The following TUBA3C variants were observed in gnomAD, a reference collection of about 807,000 sequenced individuals.
TUBA3C encodes the protein tubulin alpha-3C chain.
A neutral mutation model predicts 33.4 loss-of-function variants in TUBA3C; 23 were observed. The ratio of observed to expected loss-of-function variants is 0.69; its 90% CI spans 0.50 to 0.98. The LOEUF (loss-of-function observed/expected upper bound fraction) is 0.98. TUBA3C is among the 50% of genes least tolerant of loss of function. The pLI is 0.00. For synonymous variants in TUBA3C, 269 were observed against 250.4 expected (o/e 1.07, Z -0.70); for missense variants, 402 against 616.0 (o/e 0.65, Z 3.68).
chr13:19,176,906 C>A, intron 4 of TUBA3C, 21 bp downstream of exon 4: 1 of 1,610,366 alleles, frequency 6.2e-7, no homozygotes, highest in East Asian at 2.2e-5. Flanking sequence ...GGTACAAGGA[C>A]TCCACATTAC....
At position 19,177,850 on chromosome 13, in the gene TUBA3C, T is replaced by G. The variant is rs1166030870; in HGVS notation, c.376-243A>C. ...CTCAAGATACTGTTCTAAGTTGTTT[T>G]TTTTTTTTTTTTTTTAGATAGAATC... is the stretch of plus-strand genomic sequence containing the variant. On this transcript the variant is annotated intron_variant, in intron 3 of 4. Transcript: ENST00000400113. This position sits in a 1 kb window ranked among gnomAD's most constrained non-coding sequence, Gnocchi z 5.0. 1.7e-4 allele frequency among the ~76,000 whole-genome samples: 25 copies of G among 150,576 alleles called. No individual in the cohort carries two copies. Among genetic ancestry groups the G allele is most frequent in the Admixed American group, 1.3e-3 (20 of 15,136 alleles).
At chr13:19,180,978 AG>A (rs1371462411) in intron 1 of TUBA3C, among the ~76,000 whole-genome samples, 2 of 149,932 alleles carry the variant, frequency 1.3e-5, no homozygotes, top group African/African-American at 2.4e-5. Context: ...AAAAAAAAAA[AG>A]ATACTTGACA....
In TUBA3C at chr13:19,177,529, G is replaced by A. The variant is rs924760325; in HGVS notation, c.454C>T (p.Leu152=). The A allele has an allele frequency of 1.1e-5, 17 of 1,614,016 alleles. No individual in the cohort carries two copies. Among genetic ancestry groups the A allele is most frequent in the Non-Finnish European group, 1.4e-5 (17 of 1,179,988 alleles). Residue 152 remains leucine, a synonymous_variant, in exon 4 of 5, where the codon CTG becomes TTG. Transcript: ENST00000400113. This position sits in a 1 kb window ranked among gnomAD's most constrained non-coding sequence, Gnocchi z 5.0. ...GGGTGSGFAS[L]LMERLSVDYG... ...TCCACTGAGAGCCGCTCCATGAGCA[G>A]AGATGCGAACCCAGAGCCAGTGCCA...
chr13:19,180,419 G>A (rs931023577), intron 1 of TUBA3C, among the ~76,000 whole-genome samples: 12 of 152,224 alleles, frequency 7.9e-5, no homozygotes, highest in African/African-American at 2.9e-4. Flanking sequence ...GGATGTGGTG[G>A]CTCATGCCTG....
chr13:19,178,734 C>T (rs557558259), intron 2 of TUBA3C, among the ~76,000 whole-genome samples: 1 of 152,296 alleles, frequency 6.6e-6, no homozygotes, highest in South Asian at 2.1e-4. Context: ...GTAGCTACAT[C>T]GAAGGCTGTA....
chr13:19,178,484 C>T, intron 2 of TUBA3C, 90 bp from the exon 3 acceptor site: 6 of 1,541,236 alleles, frequency 3.9e-6, no homozygotes, highest in East Asian at 4.5e-5. Flanking sequence ...CTACAAAGTA[C>T]ATGCTGTTCA....
chr13:19,179,646 AT>A, intron 1 of TUBA3C, 83 bp from the exon 2 acceptor site: 1 of 1,447,374 alleles, frequency 6.9e-7, no homozygotes, highest in Non-Finnish European at 9.2e-7. Flanking sequence ...ATAATTTAAT[AT>A]TTATATACTG....
rs1217373213 is a variant in TUBA3C at position 19,177,816 on chromosome 13, G to A, written c.376-209C>T. 2.7e-5 allele frequency among the ~76,000 whole-genome samples: 4 copies of A among 149,744 alleles called. No individual in the cohort carries two copies. The highest frequency in any genetic ancestry group is 4.9e-5 in the African/African-American group (2 of 40,748). Reference sequence around the variant, plus strand: ...ACTTCAGACTAAGACCATTGCAGACGCAATAGGACTCAAGATACTGTTCTA... The same window carrying A: ...ACTTCAGACTAAGACCATTGCAGACACAATAGGACTCAAGATACTGTTCTA... On this transcript the variant is annotated intron_variant, in intron 3 of 4. Transcript: ENST00000400113. This position sits in a 1 kb window ranked among gnomAD's most constrained non-coding sequence, Gnocchi z 5.0.
At chr13:19,175,252 AAAAACAAAAC>A (rs201292761) in intron 4 of TUBA3C, among the ~76,000 whole-genome samples, 36 of 152,214 alleles carry the variant, frequency 2.4e-4, no homozygotes, top group Admixed American at 7.2e-4. Flanking sequence ...ACTCCGTCTC[AAAAACAAAAC>A]AAAACAAAAC....
intron 1 of TUBA3C, among the ~76,000 whole-genome samples, chr13:19,180,308 C>T (rs1869355810): frequency 6.6e-6 from 1 of 152,102 alleles, no homozygotes; most frequent in Non-Finnish European, 1.5e-5. Flanking sequence ...AGCACTCCCT[C>T]CCCTCTACCC....
rs1019993842 is a variant in TUBA3C, at chr13:19,177,940, G to C, written c.375+306C>G. ...CCGCTCAGTGCAACCTCTGCCTCCC[G>C]GGCTCAAGCCATTCTCCTGCCTCAG... On this transcript the variant is annotated intron_variant, in intron 3 of 4. Coordinates refer to ENST00000400113, the MANE Select transcript of TUBA3C (RefSeq NM_006001.3). The surrounding 1 kb of genome is among the most constrained non-coding windows in gnomAD (Gnocchi z 5.0). 1.3e-5 allele frequency among the ~76,000 whole-genome samples: 2 copies of C among 149,736 alleles called. No individual in the cohort carries two copies. The highest frequency in any genetic ancestry group is 3.5e-3 in the Middle Eastern group (1 of 286).
intron 4 of TUBA3C, among the ~76,000 whole-genome samples, chr13:19,176,034 T>C (rs984293973): frequency 2.1e-4 from 32 of 152,296 alleles, no homozygotes; most frequent in Middle Eastern, 3.4e-3. Context: ...TGGGCCACCA[T>C]GCCCATCCAA....
intron 4 of TUBA3C, among the ~76,000 whole-genome samples, chr13:19,176,394 C>G (rs1261489716): frequency 6.6e-6 from 1 of 152,018 alleles, no homozygotes; most frequent in East Asian, 1.9e-4. Flanking sequence ...CCAGCCTTCT[C>G]AACAACAAAG....
At position 19,179,422 on chromosome 13, in the gene TUBA3C, A is replaced by C; in HGVS notation, c.145T>G (p.Phe49Val). ...DKTIGGGDDS[F>V]NTFFSETGAG... ...CCAGTCTCACTGAAGAACGTGTTGA[A>C]GGAGTCGTCCCCACCACCAATGGTT... Residue 49 changes from phenylalanine (F) to valine (V), a missense_variant, in exon 2 of 5, where the codon TTC (phenylalanine) becomes GTC (valine). Coordinates refer to ENST00000400113, the MANE Select transcript of TUBA3C (RefSeq NM_006001.3). 6.2e-7 allele frequency: 1 copy of C among 1,614,054 alleles called. No individual in the cohort carries two copies. Among genetic ancestry groups the C allele is most frequent in the Non-Finnish European group, 8.5e-7 (1 of 1,179,936 alleles).
chr13:19,178,292 A>G lies in TUBA3C; in HGVS notation c.329T>C (p.Ile110Thr). The change falls in exon 3 of 5, where the codon ATC becomes ACC. Residue 110 changes from isoleucine (I) to threonine (T), a missense_variant. By Grantham distance (89) the Ile-to-Thr change is moderately conservative. Coordinates refer to ENST00000400113, the MANE Select transcript of TUBA3C (RefSeq NM_006001.3). ...GACCAGGTCGACGATCTCCTTGCCG[A>G]TGGTGTAATGGCCTCTGGCGTAATT... ...ANNYARGHYT[I>T]GKEIVDLVLD... The G allele has an allele frequency of 6.2e-7, 1 of 1,614,090 alleles. No homozygotes were observed. The highest frequency in any genetic ancestry group is 8.5e-7 in the Non-Finnish European group (1 of 1,180,024).
At chr13:19,176,216 T>G (rs1026179285) in intron 4 of TUBA3C, among the ~76,000 whole-genome samples, 1 of 151,964 alleles carries the variant, frequency 6.6e-6, no homozygotes, top group African/African-American at 2.4e-5. Flanking sequence ...ACCAGGAATT[T>G]GAGACCAGCT....
At chr13:19,178,815 AC>A (rs2138957606) in intron 2 of TUBA3C, among the ~76,000 whole-genome samples, 1 of 152,184 alleles carries the variant, frequency 6.6e-6, no homozygotes, top group South Asian at 2.1e-4. Flanking sequence ...CCATCAGGGC[AC>A]CCTGTGTGGC....
Position 19,176,486 on chromosome 13 carries a change from G to T in TUBA3C, c.1056+441C>A, listed in dbSNP as rs572312035. Among the ~76,000 whole-genome samples, 4 of 152,022 alleles carry T rather than the reference G, an allele frequency of 2.6e-5. No homozygotes were observed. The South Asian group carries it at 8.3e-4, about 32-fold the overall frequency. On this transcript the variant is annotated intron_variant, in intron 4 of 4. Transcript: ENST00000400113. ...AGACATCACTGGGCCAGGCACAGTG[G>T]CTCACGCCTCTAACCCCAGCACTTT...
chr13:19,177,343 G>A lies in TUBA3C; in HGVS notation c.640C>T (p.Arg214Trp), dbSNP rs962584103. 4.3e-5 allele frequency: 69 copies of A among 1,614,010 alleles called. No individual in the cohort carries two copies. The highest frequency in any genetic ancestry group is 5.7e-5 in the Non-Finnish European group (67 of 1,180,034). The change falls in exon 4 of 5, where the codon CGG becomes TGG. Residue 214 changes from arginine (R) to tryptophan (W), a missense_variant. Coordinates refer to ENST00000400113, the MANE Select transcript of TUBA3C (RefSeq NM_006001.3). The surrounding 1 kb of genome is among the most constrained non-coding windows in gnomAD (Gnocchi z 5.0). ...VDNEAIYDICRRNLDIERPTY... is the reference protein window; with the variant it reads ...VDNEAIYDICWRNLDIERPTY... ...GGACGCTCGATGTCCAGGTTGCGCCGACATATGTCATAGATGGCTTCATTG... is the reference window on the plus strand; with the variant it reads ...GGACGCTCGATGTCCAGGTTGCGCCAACATATGTCATAGATGGCTTCATTG...
Sources: allele counts gnomAD v4.1 joint callset (sites outside exome capture counted in the v4.1 genomes callset), GRCh38; gene constraint gnomAD v4.1.1; non-coding constraint Gnocchi (gnomAD v3.1); transcripts MANE v1.5; gene names NCBI Gene and HGNC (gene_info 2026-07-23, HGNC 2026-07-21).